The following INPP4B variants were observed in gnomAD, a reference collection of about 807,000 sequenced individuals.
The protein encoded by INPP4B is inositol polyphosphate 4-phosphatase type II.
In INPP4B, 55 loss-of-function variants were observed where a neutral mutation model predicts 122.5. That is an observed-to-expected ratio of 0.45 (90% CI 0.36 to 0.56). The LOEUF (loss-of-function observed/expected upper bound fraction) is 0.56, where lower values mean the gene tolerates loss of function less well. INPP4B is among the 20% of genes least tolerant of loss of function. The pLI is 0.00. For synonymous variants in INPP4B, 403 were observed against 388.7 expected, an observed-to-expected ratio of 1.04 and a Z score of -0.43; for missense variants, 1,000 against 1,097.7, an observed-to-expected ratio of 0.91 and a Z score of 1.26.
intron 2 of INPP4B, among the ~76,000 whole-genome samples, chr4:142,623,256 T>C (rs1013044572): frequency 1.3e-5 from 2 of 151,988 alleles, no homozygotes; most frequent in African/African-American, 2.4e-5. Context: ...CTAGGACTAC[T>C]GGAATCTCCC....
chr4:142,188,518 A>AAAAAATATATATAT (rs1834267141), intron 15 of INPP4B, among the ~76,000 whole-genome samples: 2 of 105,094 alleles, frequency 1.9e-5, no homozygotes, highest in East Asian at 3.0e-4. Context: ...AAAGAAAAAA[A>AAAAAATATATATAT]ATATATATAG....
intron 1 of INPP4B, among the ~76,000 whole-genome samples, chr4:142,827,034 G>A (rs778100981): frequency 3.3e-5 from 5 of 152,120 alleles, no homozygotes; most frequent in Non-Finnish European, 5.9e-5. Context: ...TGCAAATCAG[G>A]GCCTGCCTGC....
At chr4:142,154,216 A>T (rs896779822) in intron 17 of INPP4B, among the ~76,000 whole-genome samples, 5 of 152,176 alleles carry the variant, frequency 3.3e-5, no homozygotes, top group Non-Finnish European at 7.3e-5. Context: ...GGATAAAAAA[A>T]AAAAGAAAAA....
chr4:142,203,382 C>A (rs894865394), intron 14 of INPP4B, among the ~76,000 whole-genome samples: 3 of 151,934 alleles, frequency 2.0e-5, no homozygotes, highest in Non-Finnish European at 4.4e-5. Context: ...TAATACTTTT[C>A]TATTGTATAT....
At chr4:142,163,886 T>C (rs1360698465) in intron 16 of INPP4B, among the ~76,000 whole-genome samples, 1 of 151,856 alleles carries the variant, frequency 6.6e-6, no homozygotes. Context: ...TTTTCTCATT[T>C]AGCGTGAACT....
rs564793942 is a variant in INPP4B at position 142,703,739 on chromosome 4, G to A, written c.-191+22100C>T. On this transcript the variant is annotated intron_variant, in intron 2 of 25. Coordinates refer to ENST00000262992, the MANE Select transcript of INPP4B (RefSeq NM_001101669.3). The stretch of plus-strand genomic sequence containing the variant: ...GGATAAAAATGGGCTCCTCTCTGAG[G>A]GCAGAATGCATTGGTACCAAACTCT... Among the ~76,000 whole-genome samples, 3 of 152,258 alleles carry A rather than the reference G, an allele frequency of 2.0e-5. No individual in the cohort carries two copies. The South Asian group carries it at 6.2e-4, about 32-fold the overall frequency.
intron 2 of INPP4B, among the ~76,000 whole-genome samples, chr4:142,541,675 C>T (rs769222527): frequency 1.8e-4 from 28 of 152,150 alleles, no homozygotes; most frequent in Non-Finnish European, 3.2e-4. Context: ...TGGTAGAGAG[C>T]GCTGCAGACT....
rs397878976 is a variant in INPP4B at position 142,240,071 on chromosome 4, C to CTTT, written c.689-2063_689-2061dup. On this transcript the variant is annotated intron_variant, in intron 11 of 25. Coordinates refer to ENST00000262992, the MANE Select transcript of INPP4B (RefSeq NM_001101669.3). ...CTTCTAATTTTTAGTTTATTGTTTT[C>CTTT]TTTTTTTTTTTTTTTGAGACAGGGT... 5.4e-3 allele frequency among the ~76,000 whole-genome samples: 713 copies of CTTT among 132,520 alleles called. 13 individuals carry two copies. The highest frequency in any genetic ancestry group is 0.019 in the African/African-American group (684 of 36,618). 86.9% of individuals were successfully genotyped at this position (132,520 alleles called of 152,430 possible). A position where few individuals can be genotyped will look rare whatever the true frequency, so the allele number is the denominator to read the frequency against.
At chr4:142,410,697 A>C (rs573692995) in intron 5 of INPP4B, among the ~76,000 whole-genome samples, 1 of 152,314 alleles carries the variant, frequency 6.6e-6, no homozygotes, top group African/African-American at 2.4e-5. Flanking sequence ...TTGAATCTCT[A>C]TTCTAGCATC....
chr4:142,813,285 C>T (rs1279402792), intron 1 of INPP4B, among the ~76,000 whole-genome samples: 1 of 152,064 alleles, frequency 6.6e-6, no homozygotes, highest in African/African-American at 2.4e-5. Context: ...CTTATAACAA[C>T]CTGTTCTGTC....
chr4:142,252,366 T>C (rs1732701971), intron 11 of INPP4B, among the ~76,000 whole-genome samples: 2 of 151,714 alleles, frequency 1.3e-5, no homozygotes, highest in Admixed American at 1.3e-4. Context: ...TTTTTTGTAT[T>C]TTTAGTAGAG....
intron 5 of INPP4B, among the ~76,000 whole-genome samples, chr4:142,417,932 T>G (rs1806115558): frequency 6.6e-6 from 1 of 152,168 alleles, no homozygotes; most frequent in African/African-American, 2.4e-5. Context: ...TGTTGTTATT[T>G]GTATATGTCT....
intron 16 of INPP4B, among the ~76,000 whole-genome samples, chr4:142,171,137 G>T (rs1247923198): frequency 6.6e-6 from 1 of 151,682 alleles, no homozygotes; most frequent in Non-Finnish European, 1.5e-5. Flanking sequence ...TAAGAGGAGA[G>T]ATGCCACCTC....
At chr4:142,558,793 T>TAAAAAAA (rs34151070) in intron 2 of INPP4B, among the ~76,000 whole-genome samples, 62 of 75,540 alleles carry the variant, frequency 8.2e-4, no homozygotes, top group African/African-American at 1.4e-3. Context: ...AGACTCCCTC[T>TAAAAAAA]AAAAAAAAAA....
chr4:142,711,244 C>T (rs558155215), intron 2 of INPP4B, among the ~76,000 whole-genome samples: 2 of 152,292 alleles, frequency 1.3e-5, no homozygotes, highest in African/African-American at 2.4e-5. Context: ...AGAGGCCTCC[C>T]AGGCCTCCCT....
intron 2 of INPP4B, among the ~76,000 whole-genome samples, chr4:142,607,568 C>T (rs574357802): frequency 6.6e-6 from 1 of 152,130 alleles, no homozygotes; most frequent in African/African-American, 2.4e-5. Flanking sequence ...CTGGTCTGTC[C>T]AGCTGATCCA....
intron 12 of INPP4B, among the ~76,000 whole-genome samples, chr4:142,230,204 T>G (rs2149828124): frequency 6.6e-6 from 1 of 152,310 alleles, no homozygotes; most frequent in East Asian, 1.9e-4. Flanking sequence ...TATAGTTTTA[T>G]TTAACATTAT....
intron 2 of INPP4B, among the ~76,000 whole-genome samples, chr4:142,626,785 C>G (rs910138337): frequency 6.6e-6 from 1 of 152,024 alleles, no homozygotes; most frequent in Non-Finnish European, 1.5e-5. Context: ...ACTAGCTCCA[C>G]CAAAATGGCA....
At chr4:142,030,143 T>C in intron 25 of INPP4B, 1 of 1,534,720 alleles carries the variant, frequency 6.5e-7, no homozygotes, top group Non-Finnish European at 8.7e-7. Flanking sequence ...GGTATTTGGC[T>C]AAGAGTAACG....
Sources: gnomAD v4.1 joint callset for allele counts (sites outside exome capture counted in the v4.1 genomes callset) on GRCh38, gnomAD v4.1.1 for gene constraint, MANE v1.5 for transcripts, NCBI Gene and HGNC (gene_info 2026-07-23, HGNC 2026-07-21) for gene names.